The following GNG12 variants were observed in gnomAD, a reference collection of about 807,000 sequenced individuals.
The protein encoded by GNG12 is G protein subunit gamma 12, also known as guanine nucleotide-binding protein G(I)/G(S)/G(O) subunit gamma-12.
For missense variants in GNG12, 69 were observed against 83.8 expected (o/e 0.82, Z 0.69); for synonymous variants, 28 against 29.7 (o/e 0.94, Z 0.19).
intron 2 of GNG12, among the ~76,000 whole-genome samples, chr1:67,765,376 A>C (rs1037617823): frequency 1.3e-5 from 2 of 152,238 alleles, no homozygotes; most frequent in Admixed American, 6.5e-5. Context: ...TGAGGGATGA[A>C]GATCTAGAAC....
intron 1 of GNG12, among the ~76,000 whole-genome samples, chr1:67,800,512 G>A (rs772674957): frequency 1.3e-5 from 2 of 152,154 alleles, no homozygotes; most frequent in Non-Finnish European, 2.9e-5. Flanking sequence ...AAGATGGCAG[G>A]TTCAACTTGC....
At chr1:67,764,752 A>C (rs1023504936) in intron 2 of GNG12, among the ~76,000 whole-genome samples, 2 of 152,226 alleles carry the variant, frequency 1.3e-5, no homozygotes, top group Admixed American at 1.3e-4. Context: ...GGCCACAAGC[A>C]AGGAAGATGG....
At chr1:67,725,403 T>C (rs1278510400) in intron 2 of GNG12, among the ~76,000 whole-genome samples, 1 of 152,218 alleles carries the variant, frequency 6.6e-6, no homozygotes, top group Non-Finnish European at 1.5e-5. Context: ...TGTCTGTACT[T>C]TGAAAAAGGT....
intron 1 of GNG12, among the ~76,000 whole-genome samples, chr1:67,798,407 G>A (rs1230839493): frequency 6.6e-6 from 1 of 152,128 alleles, no homozygotes; most frequent in African/African-American, 2.4e-5. Flanking sequence ...CGTCTTCCAC[G>A]AAACTGGTCC....
chr1:67,756,884 C>T (rs555615795), intron 2 of GNG12, among the ~76,000 whole-genome samples: 6 of 152,298 alleles, frequency 3.9e-5, no homozygotes, highest in East Asian at 1.9e-4. Context: ...GCTTCTCAGC[C>T]GGTGTACCCT....
At chr1:67,775,587 T>C (rs1030559376) in intron 2 of GNG12, among the ~76,000 whole-genome samples, 1 of 152,232 alleles carries the variant, frequency 6.6e-6, no homozygotes, top group Non-Finnish European at 1.5e-5. Context: ...TTCTTCTTGG[T>C]TGATTAAGTA....
chr1:67,711,892 T>C (rs1646297718), intron 2 of GNG12, among the ~76,000 whole-genome samples: 1 of 152,242 alleles, frequency 6.6e-6, no homozygotes, highest in Admixed American at 6.5e-5. Flanking sequence ...TTTCTGATCA[T>C]AACATTCTTC....
intron 3 of GNG12, among the ~76,000 whole-genome samples, chr1:67,706,683 T>G (rs1301435949): frequency 6.6e-6 from 1 of 151,522 alleles, no homozygotes; most frequent in Non-Finnish European, 1.5e-5. Flanking sequence ...GAGATGAAGT[T>G]TTGTTCTTGT....
rs571064873 is a variant in GNG12, at chr1:67,712,059, C to T, written c.-26-4347G>A. ...GTTCTAGCTAAGGACTTCCTTCCGA[C>T]TTGCAGCTGCTCTGCAGCTCCTCAA... On this transcript the variant is annotated intron_variant, in intron 2 of 3. Coordinates refer to ENST00000370982, the MANE Select transcript of GNG12 (RefSeq NM_018841.6). Among the ~76,000 whole-genome samples the T allele has an allele frequency of 8.5e-5, 13 of 152,354 alleles. No individual in the cohort carries two copies. The East Asian group carries it at 1.9e-3, about 23-fold the overall frequency.
At chr1:67,780,640 T>C (rs1646732573) in intron 1 of GNG12, among the ~76,000 whole-genome samples, 1 of 152,200 alleles carries the variant, frequency 6.6e-6, no homozygotes, top group Non-Finnish European at 1.5e-5. Flanking sequence ...CGCACCAGTA[T>C]AAAGAATCTT....
intron 2 of GNG12, among the ~76,000 whole-genome samples, chr1:67,748,420 A>G (rs1570510246): frequency 6.6e-6 from 1 of 152,206 alleles, no homozygotes; most frequent in East Asian, 1.9e-4. Context: ...AAAAATAACA[A>G]TAATCTCTTG....
intron 1 of GNG12, among the ~76,000 whole-genome samples, chr1:67,805,464 A>G (rs1256126757): frequency 6.6e-6 from 1 of 152,248 alleles, no homozygotes; most frequent in African/African-American, 2.4e-5. Flanking sequence ...AGAACAGATG[A>G]ATAATGTAAG....
At chr1:67,773,964 C>A (rs928157697) in intron 2 of GNG12, among the ~76,000 whole-genome samples, 1 of 152,192 alleles carries the variant, frequency 6.6e-6, no homozygotes, top group Non-Finnish European at 1.5e-5. Flanking sequence ...CACACCTGAA[C>A]CTAGAAGGGT....
intron 2 of GNG12, among the ~76,000 whole-genome samples, chr1:67,754,895 A>G (rs1557606089): frequency 6.6e-6 from 1 of 152,228 alleles, no homozygotes; most frequent in East Asian, 1.9e-4. Context: ...CTCTGCTGGT[A>G]GAACAAGTTC....
intron 2 of GNG12, among the ~76,000 whole-genome samples, chr1:67,716,783 G>A (rs1570480889): frequency 6.6e-6 from 1 of 152,198 alleles, no homozygotes; most frequent in Admixed American, 6.5e-5. Context: ...AAATCAGCAG[G>A]AAGCGTGAAG....
At chr1:67,797,248 C>T (rs998737906) in intron 1 of GNG12, among the ~76,000 whole-genome samples, 1 of 152,170 alleles carries the variant, frequency 6.6e-6, no homozygotes, top group Admixed American at 6.5e-5. Flanking sequence ...AGTGATAAAA[C>T]ACAGACAATC....
intron 3 of GNG12, among the ~76,000 whole-genome samples, chr1:67,706,106 CATGTGGTCAA>C (rs1260609986): frequency 6.6e-6 from 1 of 152,154 alleles, no homozygotes; most frequent in Non-Finnish European, 1.5e-5. Flanking sequence ...CAAGCAAGTA[CATGTGGTCAA>C]ATGTTAAAAA....
intron 1 of GNG12, among the ~76,000 whole-genome samples, chr1:67,802,213 T>C (rs1035293444): frequency 3.9e-5 from 6 of 152,152 alleles, no homozygotes; most frequent in Admixed American, 3.9e-4. Context: ...GGCAAAGACC[T>C]GGAGGTTCTC....
chr1:67,759,931 C>T (rs918679249), intron 2 of GNG12, among the ~76,000 whole-genome samples: 3 of 152,192 alleles, frequency 2.0e-5, no homozygotes, highest in African/African-American at 7.2e-5. Flanking sequence ...TAACCTGATA[C>T]TGATACCCTG....
Sources: allele counts gnomAD v4.1 joint callset (sites outside exome capture counted in the v4.1 genomes callset), GRCh38; gene constraint gnomAD v4.1.1; transcripts MANE v1.5; gene names NCBI Gene and HGNC (gene_info 2026-07-23, HGNC 2026-07-21).